The following OPCML variants were observed in gnomAD, a reference collection of about 807,000 sequenced individuals.
OPCML encodes the protein opioid-binding protein/cell adhesion molecule.
OPCML carries 13 observed loss-of-function variants against 37.8 expected under a neutral mutation model. The ratio of observed to expected loss-of-function variants is 0.34; its 90% CI spans 0.22 to 0.55. The LOEUF (loss-of-function observed/expected upper bound fraction) is 0.55, where lower values mean the gene tolerates loss of function less well. Among genes scored for constraint, OPCML ranks in the 20% least tolerant of loss-of-function variants. OPCML has a pLI of 0.91. For missense variants in OPCML, 341 were observed against 435.6 expected, an observed-to-expected ratio of 0.78 and a Z score of 1.93; for synonymous variants, 176 against 168.8, an observed-to-expected ratio of 1.04 and a Z score of -0.33.
chr11:132,996,266 T>A (rs1946883031), intron 1 of OPCML, among the ~76,000 whole-genome samples: 1 of 151,958 alleles, frequency 6.6e-6, no homozygotes, highest in South Asian at 2.1e-4. Flanking sequence ...CATCAAATGG[T>A]TTGGTTCTGA....
chr11:133,359,477 A>C (rs1029366031), intron 1 of OPCML, among the ~76,000 whole-genome samples: 2 of 152,206 alleles, frequency 1.3e-5, no homozygotes, highest in South Asian at 2.1e-4. Context: ...AGCATCTACT[A>C]TGTGTCAGGT....
chr11:133,443,767 T>C (rs1339873015), intron 1 of OPCML, among the ~76,000 whole-genome samples: 1 of 152,096 alleles, frequency 6.6e-6, no homozygotes, highest in East Asian at 1.9e-4. Flanking sequence ...GAGCTACCTG[T>C]AAAAAAGTCA....
At chr11:133,238,221 C>G (rs1940597658) in intron 1 of OPCML, among the ~76,000 whole-genome samples, 1 of 152,140 alleles carries the variant, frequency 6.6e-6, no homozygotes, top group East Asian at 1.9e-4. Context: ...GGCTGTCTTC[C>G]TCAAAGGCAG....
intron 2 of OPCML, among the ~76,000 whole-genome samples, chr11:132,769,249 T>C (rs1197520741): frequency 6.6e-6 from 1 of 151,368 alleles, no homozygotes; most frequent in South Asian, 2.1e-4. Flanking sequence ...TGTTGTTTTT[T>C]TTTTTTGAGA....
At chr11:132,784,049 T>C (rs1324119762) in intron 2 of OPCML, among the ~76,000 whole-genome samples, 1 of 152,168 alleles carries the variant, frequency 6.6e-6, no homozygotes, top group Non-Finnish European at 1.5e-5. Flanking sequence ...ATCCTAAATA[T>C]ACTAAATGAA....
chr11:133,462,648 T>G (rs1270159589), intron 1 of OPCML, among the ~76,000 whole-genome samples: 2 of 152,172 alleles, frequency 1.3e-5, no homozygotes, highest in Admixed American at 1.3e-4. Flanking sequence ...TCATGCCCTT[T>G]AATATGGATA....
intron 1 of OPCML, among the ~76,000 whole-genome samples, chr11:133,125,874 G>GACACATGTATATAGTATAT: frequency 7.4e-6 from 1 of 135,454 alleles, no homozygotes; most frequent in South Asian, 2.4e-4. Context: ...TGTATATATA[G>GACACATGTATATAGTATAT]ACACATGTAT....
At chr11:133,134,619 C>T (rs954282462) in intron 1 of OPCML, among the ~76,000 whole-genome samples, 2 of 152,220 alleles carry the variant, frequency 1.3e-5, no homozygotes, top group African/African-American at 2.4e-5. Flanking sequence ...CATGGGCTCT[C>T]CTCCTGAAAT....
At chr11:133,076,122 CTTTT>C (rs1432811842) in intron 1 of OPCML, among the ~76,000 whole-genome samples, 2 of 152,006 alleles carry the variant, frequency 1.3e-5, no homozygotes, top group African/African-American at 4.8e-5. Flanking sequence ...AATCTGTACA[CTTTT>C]TTGTTTTTTT....
intron 1 of OPCML, among the ~76,000 whole-genome samples, chr11:133,489,842 AT>A (rs1013897160): frequency 2.0e-4 from 29 of 141,546 alleles, no homozygotes; most frequent in African/African-American, 7.6e-4. Flanking sequence ...ATACATATAT[AT>A]ATATATATAT....
At chr11:133,372,021 G>A (rs1001151701) in intron 1 of OPCML, among the ~76,000 whole-genome samples, 4 of 152,094 alleles carry the variant, frequency 2.6e-5, no homozygotes, top group Non-Finnish European at 5.9e-5. Context: ...AGGCTGAGAA[G>A]GGTGTGGGGG....
At position 132,820,061 on chromosome 11, in the gene OPCML, CTGAATGAATGAATGAATGAA is replaced by C. The variant is rs35080742; in HGVS notation, c.146+122845_146+122864del. The stretch of plus-strand genomic sequence containing the variant: ...ACATATAGCCTTAACACAGCAAAAA[CTGAATGAATGAATGAATGAA>C]TGAATGAATGAATGAATGAATGAAA... On this transcript the variant is annotated intron_variant, in intron 2 of 7. Transcript: ENST00000524381. Among the ~76,000 whole-genome samples the C allele has an allele frequency of 4.1e-5, 3 of 73,932 alleles. 1 individual carries two copies. Among genetic ancestry groups the C allele is most frequent in the Non-Finnish European group, 6.2e-5 (2 of 32,212 alleles). 48.5% of individuals were successfully genotyped at this position (73,932 alleles called of 152,430 possible).
intron 1 of OPCML, among the ~76,000 whole-genome samples, chr11:133,470,045 G>A (rs1039560239): frequency 2.6e-5 from 4 of 152,090 alleles, no homozygotes; most frequent in African/African-American, 9.7e-5. Context: ...ACTGCAATAA[G>A]CCGCTTAAAG....
chr11:133,204,999 C>T (rs575024563), intron 1 of OPCML, among the ~76,000 whole-genome samples: 96 of 150,876 alleles, frequency 6.4e-4, no homozygotes, highest in African/African-American at 2.3e-3. Flanking sequence ...TGTCTTCTTG[C>T]AGGCTAATGA....
chr11:133,005,705 T>A, intron 1 of OPCML: 3 of 976,732 alleles, frequency 3.1e-6, no homozygotes, highest in Non-Finnish European at 3.6e-6. Flanking sequence ...TAATCCAGAT[T>A]TTTCTTATCT....
chr11:132,454,820 AC>A (rs1363020350), intron 4 of OPCML, among the ~76,000 whole-genome samples: 1 of 152,208 alleles, frequency 6.6e-6, no homozygotes, highest in African/African-American at 2.4e-5. Flanking sequence ...ATATCTGCAC[AC>A]AGCCAGTATG....
intron 1 of OPCML, among the ~76,000 whole-genome samples, chr11:133,383,961 C>G (rs1171908897): frequency 1.3e-5 from 2 of 152,078 alleles, no homozygotes; most frequent in Non-Finnish European, 2.9e-5. Context: ...ACGGACTCCT[C>G]TCCCTACGCA....
chr11:132,498,654 A>G (rs1592269632), intron 4 of OPCML, among the ~76,000 whole-genome samples: 1 of 152,110 alleles, frequency 6.6e-6, no homozygotes, highest in African/African-American at 2.4e-5. Context: ...GGAAGTTTGA[A>G]TTTTCATGTT....
intron 2 of OPCML, among the ~76,000 whole-genome samples, chr11:132,744,116 A>G (rs1432376929): frequency 1.3e-5 from 2 of 152,338 alleles, no homozygotes; most frequent in South Asian, 2.1e-4. Context: ...TTTAAAATAT[A>G]TTATGGCTCA....
Sources: allele counts gnomAD v4.1 joint callset (sites outside exome capture counted in the v4.1 genomes callset), GRCh38; gene constraint gnomAD v4.1.1; transcripts MANE v1.5; gene names NCBI Gene and HGNC (gene_info 2026-07-23, HGNC 2026-07-21).